Variants in PPFIA2 observed in about 807,000 individuals in gnomAD.
The protein encoded by PPFIA2 is liprin-alpha-2.
In PPFIA2, 46 loss-of-function variants were observed where a neutral mutation model predicts 175.5. That is an observed-to-expected ratio of 0.26 (90% CI 0.21 to 0.34). The LOEUF (loss-of-function observed/expected upper bound fraction) is 0.34, where lower values mean the gene tolerates loss of function less well. Ranked by LOEUF, PPFIA2 falls within the 10% of genes least tolerant of loss-of-function variation. The probability of loss-of-function intolerance (pLI) is 1.00; values close to 1 mark genes in which losing one functional copy is unlikely to be tolerated. For synonymous variants in PPFIA2, 568 were observed against 511.4 expected (o/e 1.11, Z -1.49); for missense variants, 1,179 against 1,506.1 (o/e 0.78, Z 3.60).
intron 5 of PPFIA2, among the ~76,000 whole-genome samples, chr12:81,450,099 TA>T (rs1372655924): frequency 6.6e-6 from 1 of 152,186 alleles, no homozygotes; most frequent in Admixed American, 6.5e-5. Flanking sequence ...GCAATAAACA[TA>T]AGTGTGCATG....
At chr12:81,261,889 T>A in intron 32 of PPFIA2, 60 bp downstream of exon 32, 3 of 1,144,920 alleles carry the variant, frequency 2.6e-6, no homozygotes, top group Non-Finnish European at 3.7e-6. Flanking sequence ...TATTTATTAG[T>A]CTATGTAGGT....
intron 4 of PPFIA2, among the ~76,000 whole-genome samples, chr12:81,492,560 C>T (rs970524555): frequency 6.6e-6 from 1 of 151,892 alleles, no homozygotes; most frequent in East Asian, 1.9e-4. Context: ...GGCATTTGAG[C>T]AAAGGCCTAA....
chr12:81,672,559 G>A (rs2071621903), intron 4 of PPFIA2, among the ~76,000 whole-genome samples: 1 of 151,850 alleles, frequency 6.6e-6, no homozygotes, highest in African/African-American at 2.4e-5. Flanking sequence ...TGAATTAGAT[G>A]GGTAATCACT....
chr12:81,363,688 T>C (rs1231250423), intron 14 of PPFIA2, among the ~76,000 whole-genome samples: 1 of 151,816 alleles, frequency 6.6e-6, no homozygotes. Context: ...TTTCTGTTCT[T>C]TTTATTCTCA....
chr12:81,281,601 G>T (rs1371721123), intron 26 of PPFIA2, among the ~76,000 whole-genome samples, 151 bp from the exon 27 acceptor site: 2 of 151,996 alleles, frequency 1.3e-5, no homozygotes, highest in Non-Finnish European at 2.9e-5. Flanking sequence ...ATTCGATTTG[G>T]TATAAAATGG....
At chr12:81,343,483 A>G (rs2058504202) in intron 19 of PPFIA2, among the ~76,000 whole-genome samples, 1 of 152,100 alleles carries the variant, frequency 6.6e-6, no homozygotes, top group Non-Finnish European at 1.5e-5. Context: ...TGGTAATTCC[A>G]TCTATTCAAG....
intron 3 of PPFIA2, among the ~76,000 whole-genome samples, chr12:81,713,783 T>C (rs1297557674): frequency 6.6e-6 from 1 of 151,232 alleles, no homozygotes; most frequent in Non-Finnish European, 1.5e-5. Flanking sequence ...ATCAAAAAAA[T>C]TGATTGTGTC....
chr12:81,289,545 A>C (rs529529699), intron 24 of PPFIA2, among the ~76,000 whole-genome samples: 1 of 151,986 alleles, frequency 6.6e-6, no homozygotes, highest in South Asian at 2.1e-4. Flanking sequence ...GAAACACACT[A>C]TCAATAAAAT....
At chr12:81,665,248 G>A (rs56350751) in intron 4 of PPFIA2, among the ~76,000 whole-genome samples, 1 of 151,970 alleles carries the variant, frequency 6.6e-6, no homozygotes, top group Non-Finnish European at 1.5e-5. Context: ...CTAACCCAGA[G>A]TTGTTTCATT....
intron 4 of PPFIA2, among the ~76,000 whole-genome samples, chr12:81,481,482 C>A (rs933492118): frequency 2.6e-5 from 4 of 152,180 alleles, no homozygotes; most frequent in Admixed American, 1.3e-4. Context: ...TGCTACCTGA[C>A]TGCAAACGAT....
At chr12:81,584,191 T>C (rs1447272568) in intron 4 of PPFIA2, among the ~76,000 whole-genome samples, 2 of 151,662 alleles carry the variant, frequency 1.3e-5, no homozygotes, top group Non-Finnish European at 2.9e-5. Context: ...ATTTGAAATA[T>C]ATTGTTGTTA....
chr12:81,287,230 G>A (rs2043673407), intron 24 of PPFIA2, among the ~76,000 whole-genome samples: 1 of 151,824 alleles, frequency 6.6e-6, no homozygotes. Flanking sequence ...ACTGATTTGT[G>A]TAGCTTCTGC....
At chr12:81,613,774 A>G (rs553430683) in intron 4 of PPFIA2, among the ~76,000 whole-genome samples, 1 of 152,286 alleles carries the variant, frequency 6.6e-6, no homozygotes, top group African/African-American at 2.4e-5. Context: ...GTATTCAATA[A>G]CTATTTAGGA....
chr12:81,605,629 G>T (rs1400671051), intron 4 of PPFIA2, among the ~76,000 whole-genome samples: 1 of 149,554 alleles, frequency 6.7e-6, no homozygotes, highest in African/African-American at 2.5e-5. Context: ...TAGCCTGTCT[G>T]TCTATCCATC....
At chr12:81,380,970 G>C (rs889904553) in intron 9 of PPFIA2, among the ~76,000 whole-genome samples, 3 of 89,640 alleles carry the variant, frequency 3.3e-5, no homozygotes, top group African/African-American at 1.2e-4. Context: ...TGCTGTGTGT[G>C]TGTGTGTGTG....
intron 11 of PPFIA2, among the ~76,000 whole-genome samples, chr12:81,373,355 T>C (rs752969956): frequency 1.3e-5 from 2 of 151,966 alleles, no homozygotes; most frequent in Non-Finnish European, 2.9e-5. Flanking sequence ...TATCTTAGTC[T>C]AGGTTATAGT....
rs2034400281 is a variant in PPFIA2 at position 81,369,142 on chromosome 12, TGACC to T, written c.1315_1318del (p.Gly439AsnfsTer18). On this transcript the variant is annotated frameshift_variant, in exon 12 of 33. Transcript: ENST00000549396. LOFTEE classifies it high-confidence loss of function. ...AAGTTCTTGATTCTTCTCTTCAAGT[TGACC>T]CTCTAAATGTCTCATACGTTCTTCA... The T allele has an allele frequency of 6.2e-7, 1 of 1,608,478 alleles. No homozygotes were observed. The highest frequency in any genetic ancestry group is 1.3e-5 in the African/African-American group (1 of 74,804).
chr12:81,440,547 T>C (rs1593021174), intron 6 of PPFIA2, among the ~76,000 whole-genome samples: 1 of 152,096 alleles, frequency 6.6e-6, no homozygotes, highest in Non-Finnish European at 1.5e-5. Flanking sequence ...GTTCTTCGCT[T>C]CTCTGTTTTT....
At chr12:81,584,285 T>C (rs530163151) in intron 4 of PPFIA2, among the ~76,000 whole-genome samples, 1 of 152,042 alleles carries the variant, frequency 6.6e-6, no homozygotes, top group South Asian at 2.1e-4. Flanking sequence ...CAGTGATAAA[T>C]TATAATGCTC....
Sources: allele counts gnomAD v4.1 joint callset (sites outside exome capture counted in the v4.1 genomes callset), GRCh38; gene constraint gnomAD v4.1.1; transcripts MANE v1.5; gene names NCBI Gene and HGNC (gene_info 2026-07-23, HGNC 2026-07-21).